Variants in UTS2 observed in about 807,000 individuals in gnomAD.
UTS2 encodes urotensin 2.
A neutral mutation model predicts 12.6 loss-of-function variants in UTS2; 10 were observed. The ratio of observed to expected loss-of-function variants is 0.80; its 90% CI spans 0.49 to 1.35. The LOEUF is 1.35. Ranked by LOEUF, UTS2 falls within the 40% of genes most tolerant of loss-of-function variation. The pLI, the probability that UTS2 is intolerant of heterozygous loss-of-function variation, is 0.00. For synonymous variants in UTS2, 52 were observed against 50.0 expected (o/e 1.04, Z -0.17); for missense variants, 142 against 143.2 (o/e 0.99, Z 0.04).
At chr1:7,896,274 T>G in the UTS2 span, among the ~76,000 whole-genome samples, 1 of 148,334 alleles carries the variant, frequency 6.7e-6, no homozygotes, top group African/African-American at 2.5e-5. Context: ...AAAAAAAAAG[T>G]GTCCCTACCT....
At chr1:7,901,374 G>A in the UTS2 span, among the ~76,000 whole-genome samples, 4 of 152,164 alleles carry the variant, frequency 2.6e-5, no homozygotes, top group Non-Finnish European at 5.9e-5. Flanking sequence ...AGAGAGGAAA[G>A]AGTCAAAAGG....
At position 7,850,260 on chromosome 1, in the gene UTS2, G is replaced by A. The variant is rs149807961; in HGVS notation, c.214+552C>T. 3.5e-3 allele frequency among the ~76,000 whole-genome samples: 539 copies of A among 152,182 alleles called. 5 individuals carry two copies. Among genetic ancestry groups the A allele is most frequent in the African/African-American group, 0.012 (505 of 41,526 alleles). On this transcript the variant is annotated intron_variant, in intron 2 of 3. Coordinates refer to ENST00000361696, the MANE Select transcript of UTS2 (RefSeq NM_006786.4). ...GCTGGGATTACAGGTGTGAGCCACC[G>A]CACCCAGCAAAAGGCTCAATTTTGT...
chr1:7,854,123 A>T (rs1380271594), upstream of UTS2, among the ~76,000 whole-genome samples: 2 of 152,054 alleles, frequency 1.3e-5, no homozygotes, highest in Non-Finnish European at 2.9e-5. Context: ...AGGCGGATGG[A>T]TCACGAGGTC....
the UTS2 span, among the ~76,000 whole-genome samples, chr1:7,861,698 G>C: frequency 6.6e-6 from 1 of 152,030 alleles, no homozygotes; most frequent in African/African-American, 2.4e-5. Context: ...CCACTGCCCC[G>C]TCCCTCAGGA....
chr1:7,862,733 G>C, the UTS2 span, among the ~76,000 whole-genome samples: 3 of 152,018 alleles, frequency 2.0e-5, no homozygotes, highest in Non-Finnish European at 2.9e-5. Context: ...CCCCAGGGAG[G>C]GCATTCATCT....
At chr1:7,858,760 C>A in the UTS2 span, among the ~76,000 whole-genome samples, 1 of 151,986 alleles carries the variant, frequency 6.6e-6, no homozygotes, top group African/African-American at 2.4e-5. Context: ...ATTTTTGTAT[C>A]TTCAGTAGAG....
chr1:7,852,131 G>A (rs1027002968), intron 1 of UTS2, among the ~76,000 whole-genome samples: 3 of 151,026 alleles, frequency 2.0e-5, no homozygotes, highest in African/African-American at 4.9e-5. Flanking sequence ...TAAAATCCTT[G>A]GCTTAAAAGA....
upstream of UTS2, among the ~76,000 whole-genome samples, chr1:7,856,984 C>T (rs1182107976): frequency 6.6e-6 from 1 of 151,932 alleles, no homozygotes; most frequent in African/African-American, 2.4e-5. Context: ...TTGCTTGAAC[C>T]CAGGAGGTGG....
intron 1 of UTS2, 31 bp downstream of exon 1, chr1:7,852,870 G>T: frequency 1.3e-6 from 2 of 1,586,108 alleles, no homozygotes; most frequent in South Asian, 2.3e-5. Flanking sequence ...GCTCTTTCAA[G>T]ACTAACATAA....
chr1:7,867,204 C>T, the UTS2 span, among the ~76,000 whole-genome samples: 19 of 151,950 alleles, frequency 1.3e-4, no homozygotes, highest in Admixed American at 5.9e-4. Flanking sequence ...TTATTGATTC[C>T]GGTTGCAAAA....
the UTS2 span, among the ~76,000 whole-genome samples, chr1:7,868,897 A>G: frequency 2.6e-5 from 4 of 152,208 alleles, no homozygotes; most frequent in Admixed American, 2.0e-4. Flanking sequence ...AAAAACAGGA[A>G]GAGACAAGAG....
chr1:7,887,142 CA>C, the UTS2 span, among the ~76,000 whole-genome samples: 3 of 149,602 alleles, frequency 2.0e-5, no homozygotes, highest in East Asian at 6.0e-4. Context: ...TCTTTACTAC[CA>C]AGTGGCATGT....
chr1:7,890,385 G>A, the UTS2 span, among the ~76,000 whole-genome samples: 1 of 152,114 alleles, frequency 6.6e-6, no homozygotes, highest in Non-Finnish European at 1.5e-5. Flanking sequence ...GCCATGGACA[G>A]AGGGAAGCAA....
chr1:7,880,199 A>C, the UTS2 span, among the ~76,000 whole-genome samples: 1 of 152,150 alleles, frequency 6.6e-6, no homozygotes, highest in African/African-American at 2.4e-5. Flanking sequence ...TCAAGGTTGC[A>C]GTGAGCTGTG....
chr1:7,909,769 C>T, the UTS2 span, among the ~76,000 whole-genome samples: 1 of 151,838 alleles, frequency 6.6e-6, no homozygotes, highest in Non-Finnish European at 1.5e-5. Flanking sequence ...TACAGGCGCC[C>T]ACCACCACGC....
the UTS2 span, among the ~76,000 whole-genome samples, chr1:7,896,883 A>G: frequency 6.6e-6 from 1 of 152,000 alleles, no homozygotes; most frequent in Non-Finnish European, 1.5e-5. Context: ...CTTTTAGTAG[A>G]GATGGGGTTT....
At chr1:7,869,743 C>T in the UTS2 span, among the ~76,000 whole-genome samples, 2 of 152,208 alleles carry the variant, frequency 1.3e-5, no homozygotes, top group African/African-American at 4.8e-5. Context: ...GGAAGTCTGA[C>T]GTGGAAATAA....
the UTS2 span, among the ~76,000 whole-genome samples, chr1:7,882,966 T>C: frequency 0.019 from 2,940 of 152,300 alleles, 57 homozygotes; most frequent in Admixed American, 0.059. Flanking sequence ...TTGGTGGGAA[T>C]GTAAATTAGT....
At chr1:7,856,487 G>C (rs912910530), upstream of UTS2, among the ~76,000 whole-genome samples, 3 of 137,662 alleles carry the variant, frequency 2.2e-5, no homozygotes, top group African/African-American at 8.1e-5. Context: ...AGTGGAGTGT[G>C]GAGCCTCCAG....
Sources: gnomAD v4.1 joint callset for allele counts (sites outside exome capture counted in the v4.1 genomes callset) on GRCh38, gnomAD v4.1.1 for gene constraint, MANE v1.5 for transcripts, NCBI Gene and HGNC (gene_info 2026-07-23, HGNC 2026-07-21) for gene names.